HEPH: variants seen among roughly 807,000 people sequenced by gnomAD.
The protein encoded by HEPH is hephaestin.
A neutral mutation model predicts 80.8 loss-of-function variants in HEPH; 69 were observed. That is an observed-to-expected ratio of 0.85 (90% CI 0.70 to 1.04). The LOEUF (loss-of-function observed/expected upper bound fraction) is 1.04, where lower values mean the gene tolerates loss of function less well. Among genes scored for constraint, HEPH ranks in the 50% least tolerant of loss-of-function variants. The pLI is 0.00. For synonymous variants in HEPH, 431 were observed against 322.8 expected, an observed-to-expected ratio of 1.34 and a Z score of -3.60; for missense variants, 1,115 against 891.3, an observed-to-expected ratio of 1.25 and a Z score of -3.20.
downstream of HEPH, chrX:66,268,151 A>C (rs1202213654): frequency 8.9e-6 from 1 of 111,793 alleles, no homozygotes; most frequent in Non-Finnish European, 1.9e-5. Context: ...TCATGTATTC[A>C]TCTGTTTGAC....
intron 15 of HEPH, among the ~76,000 whole-genome samples, chrX:66,245,220 G>A (rs756477178): frequency 9.0e-6 from 1 of 111,099 alleles, no homozygotes; most frequent in African/African-American, 3.3e-5. Flanking sequence ...TCAGTGTGCT[G>A]TATTCAGGAA....
Position 66,203,503 on chromosome X carries a change from A to G in HEPH, c.2217A>G (p.Ala739=). ...CTGCAAGAATCTACTATATCATGGC[A>G]GAAGAAGTAGAGTGGGACTATTGCC... ...YQAARIYYIM[A]EEVEWDYCPD... Residue 739 remains alanine, a synonymous_variant, in exon 13 of 21, where the codon GCA becomes GCG. Coordinates refer to ENST00000343002, the MANE Select transcript of HEPH (RefSeq NM_001367233.3). 1 of 1,211,890 alleles carries G rather than the reference A, an allele frequency of 8.3e-7. No individual in the cohort carries two copies. The highest frequency in any genetic ancestry group is 1.1e-6 in the Non-Finnish European group (1 of 895,395).
chrX:66,232,314 C>T (rs1374706937), intron 15 of HEPH, among the ~76,000 whole-genome samples: 1 of 110,895 alleles, frequency 9.0e-6, no homozygotes, highest in Non-Finnish European at 1.9e-5. Context: ...GGGAGGATTC[C>T]CTCTTTTTCT....
chrX:66,167,171 T>C (rs2086405596), intron 1 of HEPH, among the ~76,000 whole-genome samples: 1 of 112,366 alleles, frequency 8.9e-6, no homozygotes, highest in African/African-American at 3.2e-5. Flanking sequence ...TTAGGTAGCC[T>C]GATACCAAAG....
intron 7 of HEPH, among the ~76,000 whole-genome samples, chrX:66,193,260 G>A (rs928656027): frequency 2.7e-5 from 3 of 109,979 alleles, no homozygotes; most frequent in Non-Finnish European, 3.8e-5. Flanking sequence ...ATATCCAACA[G>A]TAAGGGAGAT....
upstream of HEPH, chrX:66,162,721 G>A (rs1024932700): frequency 7.8e-6 from 9 of 1,153,731 alleles, no homozygotes; most frequent in African/African-American, 1.6e-4. Flanking sequence ...AGAATCTCTA[G>A]TGGTTTATGA....
intron 20 of HEPH, among the ~76,000 whole-genome samples, chrX:66,264,256 T>TATATATATATGTAAAATATATATATTAA (rs1438608360): frequency 9.4e-6 from 1 of 106,038 alleles, no homozygotes; most frequent in East Asian, 2.9e-4. Context: ...TTGAAATATA[T>TATATATATATGTAAAATATATATATTAA]ATATATATAT....
rs1470602189 is a variant in HEPH at position 66,180,691 on chromosome X, AAT to A, written c.625+6891_625+6892del. ...CATTATTTGTTTGTACAGCTGTGTG[AAT>A]TTTTTTTTTTTTTTTAATTATACTC... is the stretch of plus-strand genomic sequence containing the variant. On this transcript the variant is annotated intron_variant, in intron 4 of 20. Coordinates refer to ENST00000343002, the MANE Select transcript of HEPH (RefSeq NM_001367233.3). 8.6e-3 allele frequency among the ~76,000 whole-genome samples: 79 copies of A among 9,161 alleles called. 1 individual carries two copies. The South Asian group carries it at 0.094, about 11-fold the overall frequency. The allele number at this position is 9,161 out of a possible 115,157, so 8.0% of individuals were successfully genotyped here.
intron 13 of HEPH, 131 bp from the exon 14 acceptor site, chrX:66,207,064 A>T: frequency 2.4e-6 from 1 of 420,107 alleles, no homozygotes; most frequent in South Asian, 7.4e-5. Context: ...AAAAAAAAGA[A>T]ATAGGTCCCC....
At chrX:66,188,076 G>T (rs2087569921) in intron 4 of HEPH, among the ~76,000 whole-genome samples, 1 of 111,043 alleles carries the variant, frequency 9.0e-6, no homozygotes, top group African/African-American at 3.3e-5. Context: ...GCAGGAATGT[G>T]GTCAGGTTCA....
upstream of HEPH, among the ~76,000 whole-genome samples, chrX:66,163,664 G>A (rs2086253878): frequency 9.0e-6 from 1 of 111,014 alleles, no homozygotes; most frequent in Non-Finnish European, 1.9e-5. Context: ...GTGTGTGGTG[G>A]TTTCATGGTT....
rs2091319542 is a variant in HEPH at position 66,260,316 on chromosome X, A to G, written c.3199+54A>G. The G allele has an allele frequency of 2.1e-5, 22 of 1,029,229 alleles. No homozygotes were observed. In the South Asian group the frequency reaches 4.3e-4, roughly 20 times the overall value. 84.8% of individuals were successfully genotyped at this position (1,029,229 alleles called of 1,213,427 possible). A position where few individuals can be genotyped will look rare whatever the true frequency, so the allele number is the denominator to read the frequency against. ...TCTTCTAACACTTTATCTAGCCTAT[A>G]GGAAGCAGGTAATACCAAAAAGCCT... On this transcript the variant is annotated intron_variant, in intron 19 of 20. Transcript: ENST00000343002.
intron 4 of HEPH, among the ~76,000 whole-genome samples, chrX:66,178,227 G>C (rs1360136400): frequency 2.7e-5 from 3 of 111,650 alleles, no homozygotes; most frequent in Non-Finnish European, 5.6e-5. Context: ...AGTTTGCTAA[G>C]AATGATGGTT....
At chrX:66,175,161 C>T (rs1158690907) in intron 4 of HEPH, among the ~76,000 whole-genome samples, 2 of 111,704 alleles carry the variant, frequency 1.8e-5, no homozygotes, top group African/African-American at 6.5e-5. Flanking sequence ...GATTTAAGTC[C>T]TTAATTCATC....
At chrX:66,259,096 A>G in intron 18 of HEPH, 117 bp downstream of exon 18, 4 of 777,016 alleles carry the variant, frequency 5.1e-6, no homozygotes, top group South Asian at 3.8e-5. Context: ...GCAGAGGTCT[A>G]GTACATGGAG....
chrX:66,207,192 T>C lies in HEPH; in HGVS notation c.2292-3T>C, dbSNP rs770329410. On this transcript the variant is annotated splice_polypyrimidine_tract_variant and splice_region_variant and intron_variant, in intron 13 of 20. Transcript: ENST00000343002. ...GCTGATAGTACTCTTTGGATTCCTC[T>C]AGTTATGGTTACATTTTCCTGAGCA... is the stretch of plus-strand genomic sequence containing the variant. 1 of 1,199,101 alleles carries C rather than the reference T, an allele frequency of 8.3e-7. No individual in the cohort carries two copies. The highest frequency in any genetic ancestry group is 1.1e-6 in the Non-Finnish European group (1 of 889,621).
intron 13 of HEPH, among the ~76,000 whole-genome samples, chrX:66,206,875 G>T (rs1021719363): frequency 9.1e-6 from 1 of 109,614 alleles, no homozygotes; most frequent in East Asian, 2.9e-4. Context: ...AAAGTAGCCG[G>T]GCGTGGTGGC....
At chrX:66,229,622 A>G (rs1285267316) in intron 15 of HEPH, among the ~76,000 whole-genome samples, 1 of 111,895 alleles carries the variant, frequency 8.9e-6, no homozygotes, top group Non-Finnish European at 1.9e-5. Flanking sequence ...AACATTTTGA[A>G]GACTACCTCT....
At chrX:66,261,953 T>C (rs2091378327) in intron 19 of HEPH, among the ~76,000 whole-genome samples, 1 of 112,275 alleles carries the variant, frequency 8.9e-6, no homozygotes, top group South Asian at 3.7e-4. Context: ...AGGTTTTCTC[T>C]ATATGTAGTA....
Sources: gnomAD v4.1 joint callset for allele counts (sites outside exome capture counted in the v4.1 genomes callset) on GRCh38, gnomAD v4.1.1 for gene constraint, MANE v1.5 for transcripts, NCBI Gene and HGNC (gene_info 2026-07-23, HGNC 2026-07-21) for gene names.